Variants in TENM3 observed in about 807,000 individuals in gnomAD.
TENM3 encodes the protein teneurin-3.
In TENM3, 63 loss-of-function variants were observed where a neutral mutation model predicts 255.1. That is an observed-to-expected ratio of 0.25 (90% CI 0.20 to 0.30). The LOEUF is 0.30. Ranked by LOEUF, TENM3 falls within the 10% of genes least tolerant of loss-of-function variation. The probability of loss-of-function intolerance (pLI) is 1.00; values close to 1 mark genes in which losing one functional copy is unlikely to be tolerated. For synonymous variants in TENM3, 1,306 were observed against 1,322.3 expected, an observed-to-expected ratio of 0.99 and a Z score of 0.27; for missense variants, 2,929 against 3,461.1, an observed-to-expected ratio of 0.85 and a Z score of 3.86.
At chr4:181,605,584 G>GAAAGAAGAAAGAAAGAAAGAAAGAAA in the TENM3 span, among the ~76,000 whole-genome samples, 2 of 69,142 alleles carry the variant, frequency 2.9e-5, no homozygotes. Context: ...GAGAAAGAAA[G>GAAAGAAGAAAGAAAGAAAGAAAGAAA]GAAAGAAAGA....
chr4:181,801,921 A>C, the TENM3 span, among the ~76,000 whole-genome samples: 1 of 151,864 alleles, frequency 6.6e-6, no homozygotes. Context: ...TTCATATGTT[A>C]TTTCTTTTTA....
chr4:181,946,747 A>G, the TENM3 span, among the ~76,000 whole-genome samples: 1 of 152,204 alleles, frequency 6.6e-6, no homozygotes, highest in Non-Finnish European at 1.5e-5. Context: ...AATGAATCAT[A>G]TTTTATAAAG....
At chr4:181,823,815 T>A in the TENM3 span, among the ~76,000 whole-genome samples, 1 of 152,156 alleles carries the variant, frequency 6.6e-6, no homozygotes, top group Non-Finnish European at 1.5e-5. Flanking sequence ...CGTCGCTGCC[T>A]TTCTCACAGC....
chr4:181,988,788 T>A, the TENM3 span, among the ~76,000 whole-genome samples: 119 of 152,042 alleles, frequency 7.8e-4, no homozygotes, highest in Admixed American at 1.2e-3. Flanking sequence ...AGGGGCCTGC[T>A]CTTATTTTTT....
At chr4:181,785,772 C>G in the TENM3 span, among the ~76,000 whole-genome samples, 1 of 151,866 alleles carries the variant, frequency 6.6e-6, no homozygotes, top group Non-Finnish European at 1.5e-5. Context: ...ATAAGGGATA[C>G]TCATCCTGTA....
the TENM3 span, among the ~76,000 whole-genome samples, chr4:181,703,852 T>C: frequency 2.2e-3 from 336 of 152,322 alleles, 1 homozygote; most frequent in Non-Finnish European, 4.0e-3. Context: ...GCATATTGTT[T>C]TCTTTGACCT....
chr4:181,945,585 G>A, the TENM3 span, among the ~76,000 whole-genome samples: 1 of 152,020 alleles, frequency 6.6e-6, no homozygotes, highest in East Asian at 2.0e-4. Flanking sequence ...CAATCTGCTT[G>A]TGTATGAGGT....
At chr4:181,676,903 A>G in the TENM3 span, among the ~76,000 whole-genome samples, 7,225 of 151,786 alleles carry the variant, frequency 0.048, 572 homozygotes, top group African/African-American at 0.16. Flanking sequence ...ATCTTCATTC[A>G]TGACCCACCT....
intron 1 of TENM3, among the ~76,000 whole-genome samples, chr4:182,194,534 G>A (rs190814693): frequency 5.3e-5 from 8 of 152,272 alleles, no homozygotes; most frequent in Admixed American, 3.9e-4. Context: ...GCCTCAATAT[G>A]CACTCCTTGG....
At chr4:181,994,070 C>T in the TENM3 span, among the ~76,000 whole-genome samples, 2 of 152,084 alleles carry the variant, frequency 1.3e-5, no homozygotes, top group African/African-American at 4.8e-5. Context: ...GCTTACTTTT[C>T]AATGTTCACT....
chr4:182,004,253 T>G, the TENM3 span, among the ~76,000 whole-genome samples: 6 of 152,162 alleles, frequency 3.9e-5, no homozygotes, highest in Non-Finnish European at 8.8e-5. Context: ...GTGTGTGTTG[T>G]TCCCCTTTAT....
chr4:181,582,715 T>G, the TENM3 span, among the ~76,000 whole-genome samples: 1 of 150,866 alleles, frequency 6.6e-6, no homozygotes, highest in African/African-American at 2.4e-5. Flanking sequence ...GAAAACTCCT[T>G]TGCGGTTAGT....
chr4:182,412,943 T>C (rs1157341136), intron 3 of TENM3, among the ~76,000 whole-genome samples: 2 of 151,224 alleles, frequency 1.3e-5, no homozygotes, highest in African/African-American at 4.9e-5. Flanking sequence ...TACTGAAAAT[T>C]CTGAAAAATG....
chr4:181,656,484 T>C, the TENM3 span, among the ~76,000 whole-genome samples: 5 of 152,070 alleles, frequency 3.3e-5, no homozygotes, highest in Admixed American at 2.0e-4. Flanking sequence ...GAAAATAGAA[T>C]AGGCAATGGT....
chr4:182,079,418 A>G, the TENM3 span, among the ~76,000 whole-genome samples: 1 of 152,134 alleles, frequency 6.6e-6, no homozygotes, highest in African/African-American at 2.4e-5. Context: ...CAGGAGGCTG[A>G]GGCCAGAGAA....
the TENM3 span, among the ~76,000 whole-genome samples, chr4:181,548,287 T>C: frequency 1.4e-3 from 213 of 152,294 alleles, 2 homozygotes; most frequent in African/African-American, 5.0e-3. Flanking sequence ...GAAATTCCAT[T>C]TGACCCAGCC....
chr4:182,494,517 G>A (rs752226474), intron 3 of TENM3, among the ~76,000 whole-genome samples: 30 of 152,154 alleles, frequency 2.0e-4, no homozygotes, highest in Non-Finnish European at 3.5e-4. Context: ...ATAGCGTTCA[G>A]TTTCAGGTAT....
the TENM3 span, among the ~76,000 whole-genome samples, chr4:181,698,215 A>C: frequency 9.4e-5 from 2 of 21,326 alleles, no homozygotes; most frequent in Non-Finnish European, 1.8e-4. Context: ...CTCTGTCTCA[A>C]AAAAAAAAAA....
At chr4:181,756,914 A>G in the TENM3 span, among the ~76,000 whole-genome samples, 9 of 152,168 alleles carry the variant, frequency 5.9e-5, no homozygotes, top group Non-Finnish European at 1.3e-4. Flanking sequence ...ATACTCACAT[A>G]GAGTGCTAAT....
Sources: allele counts gnomAD v4.1 joint callset (sites outside exome capture counted in the v4.1 genomes callset), GRCh38; gene constraint gnomAD v4.1.1; transcripts MANE v1.5; gene names NCBI Gene and HGNC (gene_info 2026-07-23, HGNC 2026-07-21).